Variants in MUC7 observed in about 807,000 individuals in gnomAD.
The protein encoded by MUC7 is mucin 7, secreted.
A neutral mutation model predicts 2.5 loss-of-function variants in MUC7; 2 were observed. That is an observed-to-expected ratio of 0.81 (90% CI 0.33 to 2.55). The LOEUF is 2.55. MUC7 is among the 30% of genes most tolerant of loss of function. The pLI, the probability that MUC7 is intolerant of heterozygous loss-of-function variation, is 0.11. For missense variants in MUC7, 408 were observed against 455.6 expected (o/e 0.90, Z 0.95); for synonymous variants, 133 against 173.4 (o/e 0.77, Z 1.83).
At chr4:70,478,188 T>A (rs781270308) in intron 2 of MUC7, among the ~76,000 whole-genome samples, 5 of 152,222 alleles carry the variant, frequency 3.3e-5, no homozygotes, top group Non-Finnish European at 5.9e-5. Context: ...TAGGTATTAT[T>A]TTGGTCACCT....
chr4:70,430,916 T>C lies in MUC7; in HGVS notation c.-93+229T>C, dbSNP rs370661623. On this transcript the variant is annotated intron_variant, in intron 1 of 3. Coordinates refer to the MUC7 transcript ENST00000413702. ...TGAGATTTCATAGGACTAATACTAG[T>C]GAACTCCACATTCTTCCTAATTTAC... Among the ~76,000 whole-genome samples the C allele has an allele frequency of 6.6e-5, 10 of 152,196 alleles. No homozygotes were observed. The East Asian group carries it at 9.6e-4, about 15-fold the overall frequency.
At chr4:70,442,186 T>C (rs1734025236) in intron 1 of MUC7, among the ~76,000 whole-genome samples, 2 of 152,230 alleles carry the variant, frequency 1.3e-5, no homozygotes, top group African/African-American at 4.8e-5. Context: ...GCTATCATAC[T>C]TTGGGTTCGT....
At chr4:70,454,737 G>T (rs1734373540) in intron 1 of MUC7, among the ~76,000 whole-genome samples, 1 of 152,078 alleles carries the variant, frequency 6.6e-6, no homozygotes, top group Admixed American at 6.6e-5. Flanking sequence ...GGCCATCTTG[G>T]TCCACCCCTC....
rs1273065785 is a variant in MUC7 at position 70,481,604 on chromosome 4, C to T, written c.860C>T (p.Pro287Leu). ...GAGACCACAGCTGCCCCACCCACACCTTCTGCAACTACACCAGCTCCACCG... is the reference window on the plus strand; with the variant it reads ...GAGACCACAGCTGCCCCACCCACACTTTCTGCAACTACACCAGCTCCACCG... ...PPETTAAPPT[P>L]SATTPAPPSS... is the part of the protein sequence containing the mutation. Residue 287 changes from proline (P) to leucine (L), a missense_variant, in exon 3 of 3, where the codon CCT becomes CTT. This residue lies in a region of MUC7 where 175 missense variants were observed against 187.1 expected (regional missense o/e 0.94). Coordinates refer to ENST00000304887, the MANE Select transcript of MUC7 (RefSeq NM_152291.3). The T allele has an allele frequency of 1.2e-6, 2 of 1,612,928 alleles. No individual in the cohort carries two copies. Among genetic ancestry groups the T allele is most frequent in the Admixed American group, 1.7e-5 (1 of 59,968 alleles).
At chr4:70,446,921 CTT>C (rs1364879478) in intron 1 of MUC7, among the ~76,000 whole-genome samples, 16 of 152,048 alleles carry the variant, frequency 1.1e-4, no homozygotes, top group Non-Finnish European at 1.9e-4. Context: ...CTGATTATCT[CTT>C]ATATTAATAT....
chr4:70,470,267 G>A (rs1024129289), upstream of MUC7, among the ~76,000 whole-genome samples: 1 of 152,178 alleles, frequency 6.6e-6, no homozygotes, highest in Non-Finnish European at 1.5e-5. Flanking sequence ...GCAGGTGGGG[G>A]GCTGGGGGAG....
intron 1 of MUC7, among the ~76,000 whole-genome samples, chr4:70,455,037 TA>T (rs1186655739): frequency 1.3e-5 from 2 of 152,304 alleles, no homozygotes; most frequent in East Asian, 3.9e-4. Flanking sequence ...TTATATTTTA[TA>T]TTTTTTTAGC....
chr4:70,436,059 G>T (rs1733823185), intron 1 of MUC7, among the ~76,000 whole-genome samples: 1 of 152,132 alleles, frequency 6.6e-6, no homozygotes. Context: ...TAGGGTTTCT[G>T]CCCACAGATC....
chr4:70,481,124 CA>C lies in MUC7; in HGVS notation c.383del (p.Asn128MetfsTer2). ...GCTTCCACCAAAATTACTACCCTTC[CA>C]AATGTGACTTTTCTTCCCCAGAATG... is the stretch of plus-strand genomic sequence containing the variant. Reference protein sequence around the residue: ...PSASTKITTLPNVTFLPQNAT... With the variant: ...PSASTKITTLXNVTFLPQNAT... On this transcript the variant is annotated frameshift_variant, in exon 3 of 3. Coordinates refer to ENST00000304887, the MANE Select transcript of MUC7 (RefSeq NM_152291.3). LOFTEE classifies it low-confidence loss of function (END_TRUNC). 6.2e-7 allele frequency: 1 copy of C among 1,614,182 alleles called. No homozygotes were observed. The highest frequency in any genetic ancestry group is 1.3e-5 in the African/African-American group (1 of 75,054).
chr4:70,463,147 A>G (rs1028994059), intron 1 of MUC7, among the ~76,000 whole-genome samples: 2 of 150,558 alleles, frequency 1.3e-5, no homozygotes, highest in African/African-American at 4.9e-5. Flanking sequence ...TCAAAACTCT[A>G]ATGAAAGCCA....
chr4:70,457,237 G>T (rs563018556), intron 1 of MUC7, among the ~76,000 whole-genome samples: 1 of 152,286 alleles, frequency 6.6e-6, no homozygotes, highest in African/African-American at 2.4e-5. Flanking sequence ...GAGGCAAGAA[G>T]TTTGAGACAA....
chr4:70,478,854 G>C (rs1474398875), intron 2 of MUC7, among the ~76,000 whole-genome samples: 3 of 152,212 alleles, frequency 2.0e-5, no homozygotes, highest in African/African-American at 7.2e-5. Context: ...GATTCCTGGA[G>C]TCAGTGTTAC....
intron 1 of MUC7, among the ~76,000 whole-genome samples, chr4:70,473,427 G>A (rs575701703): frequency 4.0e-5 from 6 of 148,892 alleles, no homozygotes; most frequent in African/African-American, 1.5e-4. Flanking sequence ...CTGGACAACA[G>A]AGCGAGACTC....
At position 70,434,473 on chromosome 4, in the gene MUC7, T is replaced by C. The variant is rs577304230; in HGVS notation, c.-93+3786T>C. On this transcript the variant is annotated intron_variant, in intron 1 of 3. Coordinates refer to the MUC7 transcript ENST00000413702. ...GAGGGTGTATGTGTCCAGGAATTTA[T>C]CCATTTCTTCTAAATTTTCTAGTTT... is the stretch of plus-strand genomic sequence containing the variant. Among the ~76,000 whole-genome samples, 4 of 152,344 alleles carry C rather than the reference T, an allele frequency of 2.6e-5. 1 individual carries two copies. The South Asian group carries it at 8.3e-4, about 32-fold the overall frequency.
chr4:70,472,811 G>A (rs993253727), intron 1 of MUC7, among the ~76,000 whole-genome samples: 4 of 152,188 alleles, frequency 2.6e-5, no homozygotes, highest in African/African-American at 7.2e-5. Context: ...CCATGGGATT[G>A]TATTGTAAAG....
chr4:70,455,038 AT>A (rs929071274), intron 1 of MUC7, among the ~76,000 whole-genome samples: 2 of 151,972 alleles, frequency 1.3e-5, no homozygotes, highest in African/African-American at 4.8e-5. Context: ...TATATTTTAT[AT>A]TTTTTTAGCA....
intron 1 of MUC7, among the ~76,000 whole-genome samples, chr4:70,434,234 T>A (rs992788514): frequency 6.6e-6 from 1 of 152,200 alleles, no homozygotes; most frequent in Non-Finnish European, 1.5e-5. Context: ...GCTGGCCTCA[T>A]AAAATGAGTT....
At chr4:70,475,001 G>T (rs41529746) in intron 2 of MUC7, among the ~76,000 whole-genome samples, 3 of 152,064 alleles carry the variant, frequency 2.0e-5, no homozygotes, top group Non-Finnish European at 4.4e-5. Flanking sequence ...TGAACAGGCC[G>T]GGCGCGGTGG....
At chr4:70,438,707 C>T (rs1733926071) in intron 1 of MUC7, among the ~76,000 whole-genome samples, 2 of 152,242 alleles carry the variant, frequency 1.3e-5, no homozygotes, top group Middle Eastern at 3.4e-3. Flanking sequence ...ATCCACCCGC[C>T]TCCACCTCCC....
Sources: allele counts gnomAD v4.1 joint callset (sites outside exome capture counted in the v4.1 genomes callset), GRCh38; gene constraint gnomAD v4.1.1; regional missense constraint gnomAD v4.1.1; transcripts MANE v1.5; gene names NCBI Gene and HGNC (gene_info 2026-07-23, HGNC 2026-07-21).